EYS: variants seen among roughly 807,000 people sequenced by gnomAD.
EYS encodes the protein EGF-like photoreceptor maintenance factor, also known as protein eyes shut homolog.
EYS carries 250 observed loss-of-function variants against 282.1 expected under a neutral mutation model. That is an observed-to-expected ratio of 0.89 (90% CI 0.80 to 0.98). EYS has a LOEUF of 0.98. Ranked by LOEUF, EYS falls within the 50% of genes least tolerant of loss-of-function variation. The pLI, the probability that EYS is intolerant of heterozygous loss-of-function variation, is 0.00. For missense variants in EYS, 4,016 were observed against 3,709.0 expected (o/e 1.08, Z -2.15); for synonymous variants, 1,355 against 1,282.9 (o/e 1.06, Z -1.20).
intron 5 of EYS, among the ~76,000 whole-genome samples, chr6:65,438,754 G>A (rs187758912): frequency 1.4e-4 from 22 of 151,966 alleles, no homozygotes; most frequent in African/African-American, 5.1e-4. Context: ...CTGGATATTA[G>A]CCCTTTGTCA....
At chr6:64,692,339 G>A (rs941801522) in intron 22 of EYS, among the ~76,000 whole-genome samples, 51 of 151,950 alleles carry the variant, frequency 3.4e-4, no homozygotes, top group African/African-American at 1.1e-3. Context: ...ATTTTTTAAC[G>A]GGGTTATTAG....
At chr6:64,770,947 T>A (rs1249995108) in intron 22 of EYS, among the ~76,000 whole-genome samples, 1 of 151,828 alleles carries the variant, frequency 6.6e-6, no homozygotes, top group East Asian at 1.9e-4. Flanking sequence ...TATAATATAT[T>A]GCAATTCAAA....
intron 34 of EYS, among the ~76,000 whole-genome samples, chr6:63,995,039 A>C (rs544691729): frequency 9.9e-5 from 15 of 152,142 alleles, no homozygotes; most frequent in Admixed American, 9.2e-4. Flanking sequence ...CTATGTCAAA[A>C]AAAGCTTCTG....
At chr6:65,033,627 G>C (rs998408084) in intron 13 of EYS, among the ~76,000 whole-genome samples, 4 of 152,188 alleles carry the variant, frequency 2.6e-5, no homozygotes, top group African/African-American at 9.7e-5. Flanking sequence ...TAGGGGCACA[G>C]AATACAAGAG....
intron 22 of EYS, among the ~76,000 whole-genome samples, chr6:64,803,080 G>T (rs993109393): frequency 5.9e-5 from 9 of 152,330 alleles, no homozygotes; most frequent in African/African-American, 2.2e-4. Flanking sequence ...GTTCCCAGAA[G>T]CTTGGAGATG....
intron 2 of EYS, among the ~76,000 whole-genome samples, chr6:65,578,917 C>G (rs1344133627): frequency 1.3e-5 from 2 of 152,072 alleles, no homozygotes; most frequent in Non-Finnish European, 2.9e-5. Flanking sequence ...GTACCCCATT[C>G]TCTTATGGTC....
At chr6:65,517,758 G>A (rs774302009) in intron 2 of EYS, among the ~76,000 whole-genome samples, 3 of 151,914 alleles carry the variant, frequency 2.0e-5, no homozygotes, top group Non-Finnish European at 2.9e-5. Context: ...GGACACCAAC[G>A]ACAGATTATT....
intron 12 of EYS, among the ~76,000 whole-genome samples, chr6:65,113,689 A>G (rs79624820): frequency 0.023 from 3,286 of 144,786 alleles, 37 homozygotes; most frequent in African/African-American, 0.03. Flanking sequence ...GAAAGAAACA[A>G]ACGTGGCATC....
chr6:64,863,645 G>A (rs956262636), intron 19 of EYS, among the ~76,000 whole-genome samples: 7 of 152,104 alleles, frequency 4.6e-5, no homozygotes, highest in Admixed American at 6.5e-5. Flanking sequence ...TCATTATATA[G>A]CAATAGTAGC....
intron 26 of EYS, among the ~76,000 whole-genome samples, chr6:64,454,323 A>G (rs998461473): frequency 1.2e-4 from 19 of 152,220 alleles, no homozygotes; most frequent in African/African-American, 4.6e-4. Flanking sequence ...CACGTTCTGC[A>G]TATTGTTCTT....
chr6:65,338,516 G>A (rs1227465588), intron 10 of EYS, among the ~76,000 whole-genome samples: 2 of 150,990 alleles, frequency 1.3e-5, no homozygotes, highest in Admixed American at 1.3e-4. Context: ...GGACTGAATA[G>A]GGGTCGGCAA....
intron 5 of EYS, among the ~76,000 whole-genome samples, chr6:65,474,338 T>C (rs1765325276): frequency 6.6e-6 from 1 of 152,078 alleles, no homozygotes; most frequent in South Asian, 2.1e-4. Context: ...GAACGTGTGG[T>C]GTGGTAGACT....
chr6:64,145,446 T>C (rs867627485), intron 31 of EYS, among the ~76,000 whole-genome samples: 9 of 152,018 alleles, frequency 5.9e-5, no homozygotes, highest in Non-Finnish European at 1.0e-4. Flanking sequence ...GTTCATTATA[T>C]GTAAAATGTT....
chr6:65,211,091 C>T (rs928753708), intron 12 of EYS, among the ~76,000 whole-genome samples: 2 of 151,754 alleles, frequency 1.3e-5, no homozygotes, highest in East Asian at 1.9e-4. Flanking sequence ...CGAGTATTAG[C>T]GATATTAAAT....
intron 12 of EYS, among the ~76,000 whole-genome samples, chr6:65,198,039 A>G (rs1261081181): frequency 1.3e-5 from 2 of 152,174 alleles, no homozygotes; most frequent in African/African-American, 4.8e-5. Flanking sequence ...TTAAAACACA[A>G]GCACATTGTA....
intron 24 of EYS, among the ~76,000 whole-genome samples, chr6:64,608,551 T>C (rs1767006564): frequency 6.6e-6 from 1 of 152,152 alleles, no homozygotes; most frequent in Non-Finnish European, 1.5e-5. Flanking sequence ...ATCCAGTGAG[T>C]GTGTGCCTCG....
intron 35 of EYS, among the ~76,000 whole-genome samples, chr6:63,925,905 A>C (rs750868159): frequency 1.3e-5 from 2 of 152,110 alleles, no homozygotes; most frequent in African/African-American, 2.4e-5. Context: ...CGGCCTCCCA[A>C]AGTGCTGAGG....
At chr6:65,484,115 G>A (rs1327834575) in intron 5 of EYS, among the ~76,000 whole-genome samples, 1 of 149,590 alleles carries the variant, frequency 6.7e-6, no homozygotes, top group Non-Finnish European at 1.5e-5. Context: ...ATTTGGCACA[G>A]GCTGTACATC....
chr6:65,371,124 T>G (rs1272835689), intron 8 of EYS, among the ~76,000 whole-genome samples: 2 of 151,618 alleles, frequency 1.3e-5, no homozygotes, highest in Non-Finnish European at 2.9e-5. Context: ...CTGAAAATAT[T>G]TTTTAAGACA....
Sources: allele counts gnomAD v4.1 joint callset (sites outside exome capture counted in the v4.1 genomes callset), GRCh38; gene constraint gnomAD v4.1.1; transcripts MANE v1.5; gene names NCBI Gene and HGNC (gene_info 2026-07-23, HGNC 2026-07-21).